The following ANKRD35 variants were observed in gnomAD, a reference collection of about 807,000 sequenced individuals.
ANKRD35 encodes ankyrin repeat domain-containing protein 35.
In ANKRD35, 102 loss-of-function variants were observed where a neutral mutation model predicts 109.9. The ratio of observed to expected loss-of-function variants is 0.93; its 90% CI spans 0.79 to 1.09. The LOEUF is 1.09. ANKRD35 is among the 50% of genes least tolerant of loss of function. The pLI, the probability that ANKRD35 is intolerant of heterozygous loss-of-function variation, is 0.00. For missense variants in ANKRD35, 1,240 were observed against 1,230.1 expected (o/e 1.01, Z -0.12); for synonymous variants, 515 against 512.4 (o/e 1.01, Z -0.07).
At chr1:145,871,804 A>C (rs938138131) in intron 10 of ANKRD35, among the ~76,000 whole-genome samples, 178 bp downstream of exon 10, 1 of 151,748 alleles carries the variant, frequency 6.6e-6, no homozygotes, top group African/African-American at 2.4e-5. Flanking sequence ...CTCCAATCTC[A>C]CCAACCCCCT....
At chr1:145,879,540 A>G (rs1654213395) in intron 1 of ANKRD35, 152 bp from the exon 2 acceptor site, 2 of 914,690 alleles carry the variant, frequency 2.2e-6, no homozygotes, top group African/African-American at 1.7e-5. Flanking sequence ...AGTCCTTCTT[A>G]GGTGGGCCTA....
intron 1 of ANKRD35, among the ~76,000 whole-genome samples, chr1:145,882,086 C>A (rs587593629): frequency 1.3e-5 from 2 of 149,828 alleles, no homozygotes; most frequent in Admixed American, 1.3e-4. Context: ...TCCCGAGTAG[C>A]TGGGACTACA....
intron 10 of ANKRD35, among the ~76,000 whole-genome samples, chr1:145,870,745 A>C (rs1473795663): frequency 2.0e-5 from 3 of 151,804 alleles, no homozygotes; most frequent in Non-Finnish European, 4.4e-5. Context: ...GAGAAGGAGG[A>C]GTCTCGCTCT....
chr1:145,876,322 C>T (rs1273265043), intron 6 of ANKRD35, 76 bp from the exon 7 acceptor site: 6 of 1,407,994 alleles, frequency 4.3e-6, no homozygotes, highest in East Asian at 4.6e-5. Context: ...GCTCCCCTCC[C>T]CTCACACCTG....
intron 1 of ANKRD35, among the ~76,000 whole-genome samples, chr1:145,879,797 A>G (rs1389575038): frequency 6.6e-6 from 1 of 152,150 alleles, no homozygotes; most frequent in Non-Finnish European, 1.5e-5. Flanking sequence ...TTGAGGACTC[A>G]TGTTGCCTCT....
At chr1:145,875,803 C>T (rs1327266611) in intron 7 of ANKRD35, among the ~76,000 whole-genome samples, 2 of 152,302 alleles carry the variant, frequency 1.3e-5, no homozygotes, top group East Asian at 1.9e-4. Flanking sequence ...CCGCCTTGGC[C>T]TCCCAAAGTG....
intron 10 of ANKRD35, among the ~76,000 whole-genome samples, chr1:145,869,642 A>AT (rs1252685210): frequency 6.7e-6 from 1 of 150,328 alleles, no homozygotes; most frequent in African/African-American, 2.5e-5. Flanking sequence ...TAATTTTTGT[A>AT]TTTTTTTGTA....
At chr1:145,882,774 G>A (rs1236024842) in intron 1 of ANKRD35, among the ~76,000 whole-genome samples, 1 of 152,174 alleles carries the variant, frequency 6.6e-6, no homozygotes, top group Non-Finnish European at 1.5e-5. Flanking sequence ...GCTTACCCCA[G>A]CACCTTGGAA....
Position 145,879,340 on chromosome 1 carries a change from T to C in ANKRD35, c.88A>G (p.Arg30Gly), listed in dbSNP as rs1553740725. Reference protein sequence around the residue: ...HDQKLLEAVHRGDVGRVAALA... With the variant: ...HDQKLLEAVHGGDVGRVAALA... ...GCAGCCACGCGTCCCACATCCCCCCTGTGCACTGCCTCCAGCAGCTTCTGA... is the reference window on the plus strand; with the variant it reads ...GCAGCCACGCGTCCCACATCCCCCCCGTGCACTGCCTCCAGCAGCTTCTGA... The change falls in exon 2 of 14, where the codon AGG becomes GGG. Residue 30 changes from arginine to glycine, a missense_variant. Physicochemically the swap from Arg to Gly is moderately radical, Grantham distance 125. Transcript: ENST00000355594. The C allele has an allele frequency of 1.2e-6, 2 of 1,607,288 alleles. No homozygotes were observed. Among genetic ancestry groups the C allele is most frequent in the Admixed American group, 1.7e-5 (1 of 59,148 alleles).
In ANKRD35 at chr1:145,878,439, T is replaced by A; in HGVS notation, c.211A>T (p.Thr71Ser). 1.3e-6 allele frequency: 2 copies of A among 1,573,064 alleles called. No homozygotes were observed. Among genetic ancestry groups the A allele is most frequent in the Non-Finnish European group, 1.7e-6 (2 of 1,158,096 alleles). The change falls in exon 3 of 14, where the codon ACT becomes TCT. Residue 71 changes from threonine to serine, a missense_variant. Thr to Ser is a moderately conservative substitution (Grantham distance 58). Coordinates refer to ENST00000355594, the MANE Select transcript of ANKRD35 (RefSeq NM_144698.5). ...TCAGCCCCATTTGCAAGCAGGATAGTCAGACATTCTGTCAGGCCTTTGGAG... is the reference window on the plus strand; with the variant it reads ...TCAGCCCCATTTGCAAGCAGGATAGACAGACATTCTGTCAGGCCTTTGGAG... ...AASKGLTECL[T>S]ILLANGADIN...
In ANKRD35 at chr1:145,873,203, C is replaced by T. The variant is rs781988913; in HGVS notation, c.1566G>A (p.Leu522=). 1.2e-6 allele frequency: 2 copies of T among 1,614,158 alleles called. No individual in the cohort carries two copies. Among genetic ancestry groups the T allele is most frequent in the Non-Finnish European group, 1.7e-6 (2 of 1,180,034 alleles). ...ALSRPVMEGA[L]GTPRAEAAAA... ...CTGCTGCCTCAGCACGGGGAGTCCC[C>T]AGGGCTCCCTCCATGACCGGTCTTG... Residue 522 remains leucine, a synonymous_variant, in exon 10 of 14, where the codon CTG becomes CTA. Coordinates refer to ENST00000355594, the MANE Select transcript of ANKRD35 (RefSeq NM_144698.5).
chr1:145,882,764 G>C (rs1654340372), intron 1 of ANKRD35, among the ~76,000 whole-genome samples: 1 of 152,130 alleles, frequency 6.6e-6, no homozygotes, highest in Non-Finnish European at 1.5e-5. Flanking sequence ...CCAGTCTGTA[G>C]CTTACCCCAG....
At chr1:145,877,842 A>G in intron 4 of ANKRD35, 126 bp downstream of exon 4, 1 of 842,154 alleles carries the variant, frequency 1.2e-6, no homozygotes, top group Non-Finnish European at 1.9e-6. Context: ...AATGATTATC[A>G]GCCCTCCTAT....
rs894051950 is a variant in ANKRD35 at position 145,867,363 on chromosome 1, G to A, written c.2973C>T (p.Ile991=). ...CTTCCATGCTAAGGATTTGCAGCAGGATATTGTACACTTCATGTTCCATGT... is the reference window on the plus strand; with the variant it reads ...CTTCCATGCTAAGGATTTGCAGCAGAATATTGTACACTTCATGTTCCATGT... ...RGYMEHEVYN[I]LLQILSMEEE The change falls in exon 13 of 14, where the codon ATC becomes ATT. Residue 991 remains isoleucine, a synonymous_variant. Coordinates refer to ENST00000355594, the MANE Select transcript of ANKRD35 (RefSeq NM_144698.5). 1.9e-6 allele frequency: 3 copies of A among 1,613,942 alleles called. No individual in the cohort carries two copies. Among genetic ancestry groups the A allele is most frequent in the Admixed American group, 3.3e-5 (2 of 60,004 alleles).
intron 10 of ANKRD35, among the ~76,000 whole-genome samples, chr1:145,869,413 C>T (rs889022822): frequency 3.9e-5 from 6 of 152,018 alleles, no homozygotes; most frequent in Admixed American, 6.6e-5. Flanking sequence ...AACTCCTGAC[C>T]TCAGGTGATC....
intron 2 of ANKRD35, among the ~76,000 whole-genome samples, chr1:145,878,971 C>G (rs986514373): frequency 6.6e-5 from 10 of 152,180 alleles, no homozygotes; most frequent in Admixed American, 3.9e-4. Flanking sequence ...AAGAAACACT[C>G]TACTTAGTGT....
intron 3 of ANKRD35, 63 bp downstream of exon 3, chr1:145,878,328 C>T (rs962929840): frequency 1.3e-6 from 2 of 1,487,260 alleles, no homozygotes; most frequent in East Asian, 2.5e-5. Context: ...CCCAGCACCG[C>T]CCCCGACTGC....
At position 145,882,382 on chromosome 1, in the gene ANKRD35, G is replaced by T. The variant is rs868910965; in HGVS notation, c.40-2994C>A. On this transcript the variant is annotated intron_variant, in intron 1 of 13. Coordinates refer to ENST00000355594, the MANE Select transcript of ANKRD35 (RefSeq NM_144698.5). ...CATGATCATGGCTCACTGCAGCCTTGACCTCTGGGCTCAGGTGATCCTCCC... is the reference window on the plus strand; with the variant it reads ...CATGATCATGGCTCACTGCAGCCTTTACCTCTGGGCTCAGGTGATCCTCCC... Among the ~76,000 whole-genome samples, 20 of 136,414 alleles carry T rather than the reference G, an allele frequency of 1.5e-4. 1 individual carries two copies. The highest frequency in any genetic ancestry group is 1.3e-3 in the Admixed American group (16 of 12,528). 89.5% of individuals were successfully genotyped at this position (136,414 alleles called of 152,430 possible).
intron 10 of ANKRD35, among the ~76,000 whole-genome samples, chr1:145,870,726 T>G (rs901314505): frequency 1.3e-5 from 2 of 151,464 alleles, no homozygotes. Flanking sequence ...ATATATAACG[T>G]TTTTTGAGGA....
Sources: gnomAD v4.1 joint callset for allele counts (sites outside exome capture counted in the v4.1 genomes callset) on GRCh38, gnomAD v4.1.1 for gene constraint, MANE v1.5 for transcripts, NCBI Gene and HGNC (gene_info 2026-07-23, HGNC 2026-07-21) for gene names.